GRHL2: variants seen among roughly 807,000 people sequenced by gnomAD.
GRHL2 encodes grainyhead like transcription factor 2, also known as grainyhead-like protein 2 homolog.
Under a neutral mutation model 83.8 loss-of-function variants are expected in GRHL2, and 21 were observed. That is an observed-to-expected ratio of 0.25 (90% CI 0.18 to 0.36). The LOEUF is 0.36. GRHL2 is among the 10% of genes least tolerant of loss of function. The pLI, the probability that GRHL2 is intolerant of heterozygous loss-of-function variation, is 1.00. For synonymous variants in GRHL2, 280 were observed against 278.9 expected, an observed-to-expected ratio of 1.00 and a Z score of -0.04; for missense variants, 623 against 781.8, an observed-to-expected ratio of 0.80 and a Z score of 2.42.
intron 12 of GRHL2, among the ~76,000 whole-genome samples, chr8:101,638,147 G>A (rs1231382354): frequency 6.6e-6 from 1 of 152,110 alleles, no homozygotes. Context: ...AAAATCTTTA[G>A]ATGTTTTTTC....
intron 1 of GRHL2, among the ~76,000 whole-genome samples, chr8:101,493,602 C>G (rs986194572): frequency 6.6e-6 from 1 of 152,136 alleles, no homozygotes; most frequent in Non-Finnish European, 1.5e-5. Flanking sequence ...CCCGCGCCCC[C>G]GACGGCGTCT....
In GRHL2 at chr8:101,573,815, C is replaced by G. The variant is rs1315339486; in HGVS notation, c.882C>G (p.Ser294Arg). ...GDNKCFRHPI[S>R]KVRSVVMVVF... ...ACAAATGCTTCCGACACCCCATCAGCAAAGTCAGGGTAGGGGCCACATTTC... is the reference window on the plus strand; with the variant it reads ...ACAAATGCTTCCGACACCCCATCAGGAAAGTCAGGGTAGGGGCCACATTTC... The change falls in exon 6 of 16, where the codon AGC becomes AGG. Residue 294 changes from serine (S) to arginine (R), a missense_variant. This residue lies in a region of GRHL2 where 96 missense variants were observed against 144.8 expected (regional missense o/e 0.66). Coordinates refer to ENST00000646743, the MANE Select transcript of GRHL2 (RefSeq NM_024915.4). 6.2e-7 allele frequency: 1 copy of G among 1,614,162 alleles called. No homozygotes were observed. Among genetic ancestry groups the G allele is most frequent in the South Asian group, 1.1e-5 (1 of 91,066 alleles).
At chr8:101,677,636 C>A in the GRHL2 span, among the ~76,000 whole-genome samples, 1 of 152,010 alleles carries the variant, frequency 6.6e-6, no homozygotes, top group Non-Finnish European at 1.5e-5. Context: ...CCCCACTACC[C>A]CTGCATTTTG....
intron 1 of GRHL2, among the ~76,000 whole-genome samples, chr8:101,525,046 G>A (rs1016594018): frequency 6.6e-6 from 1 of 152,042 alleles, no homozygotes; most frequent in Non-Finnish European, 1.5e-5. Context: ...AGGTTCAAGC[G>A]ATTCTCCTGC....
At chr8:101,655,667 A>G (rs767701340) in intron 14 of GRHL2, among the ~76,000 whole-genome samples, 15 of 152,230 alleles carry the variant, frequency 9.9e-5, no homozygotes, top group Non-Finnish European at 1.8e-4. Context: ...TATCATTTGG[A>G]GAATATAGAC....
In GRHL2 at chr8:101,652,436, C is replaced by CTGGTGTGTG. The variant is rs1563627071; in HGVS notation, c.1698+2948_1698+2956dup. ...TGGTGTGTGTGTGTGGTGTGTGTGT[C>CTGGTGTGTG]TGGTGTGTGTGGTGTGTGTCTGGTG... On this transcript the variant is annotated intron_variant, in intron 14 of 15. Transcript: ENST00000646743. 4.3e-3 allele frequency among the ~76,000 whole-genome samples: 52 copies of CTGGTGTGTG among 12,082 alleles called. 2 individuals are homozygous for CTGGTGTGTG. Among genetic ancestry groups the CTGGTGTGTG allele is most frequent in the Middle Eastern group, 0.071 (1 of 14 alleles). 7.9% of individuals were successfully genotyped at this position (12,082 alleles called of 152,430 possible). A position where few individuals can be genotyped will look rare whatever the true frequency, so the allele number is the denominator to read the frequency against.
At chr8:101,537,498 A>T (rs911560582) in intron 1 of GRHL2, among the ~76,000 whole-genome samples, 3 of 152,242 alleles carry the variant, frequency 2.0e-5, no homozygotes, top group African/African-American at 7.2e-5. Flanking sequence ...AAAACAGTCC[A>T]TTGGACTTTG....
intron 1 of GRHL2, among the ~76,000 whole-genome samples, chr8:101,542,528 G>C (rs1479074828): frequency 2.0e-5 from 3 of 150,622 alleles, no homozygotes; most frequent in Admixed American, 2.0e-4. Context: ...ACTCCAGCCT[G>C]GACAACAAGA....
intron 1 of GRHL2, among the ~76,000 whole-genome samples, chr8:101,522,386 A>G (rs965361961): frequency 6.6e-6 from 1 of 152,230 alleles, no homozygotes; most frequent in Non-Finnish European, 1.5e-5. Context: ...AGGTGATCTA[A>G]AGTATATAGT....
At chr8:101,526,759 G>A (rs1314382701) in intron 1 of GRHL2, among the ~76,000 whole-genome samples, 1 of 152,084 alleles carries the variant, frequency 6.6e-6, no homozygotes, top group East Asian at 1.9e-4. Context: ...CTGCACGAGT[G>A]CTTTTCCTTG....
rs141608768 is a variant in GRHL2 at position 101,591,232 on chromosome 8, C to T, written c.1004-7825C>T. On this transcript the variant is annotated intron_variant, in intron 7 of 15. Transcript: ENST00000646743. ...AAATATAGCTTGCCAGAAACACAAA[C>T]ACAAAGCATTGCACTTTCACACATC... Among the ~76,000 whole-genome samples the T allele has an allele frequency of 3.9e-5, 6 of 152,312 alleles. No individual in the cohort carries two copies. In the East Asian group the frequency reaches 1.2e-3, roughly 29 times the overall value.
chr8:101,504,369 T>C (rs1365914906), intron 1 of GRHL2, among the ~76,000 whole-genome samples: 3 of 152,222 alleles, frequency 2.0e-5, no homozygotes, highest in Non-Finnish European at 2.9e-5. Context: ...TGTATAAGTT[T>C]CCAACATGTG....
intron 1 of GRHL2, among the ~76,000 whole-genome samples, chr8:101,505,999 AG>A (rs1810334030): frequency 6.6e-6 from 1 of 152,236 alleles, no homozygotes; most frequent in South Asian, 2.1e-4. Flanking sequence ...TAGAGCTTTC[AG>A]GGCTAACTAG....
Position 101,511,483 on chromosome 8 carries a change from G to A in GRHL2, c.20+18694G>A, listed in dbSNP as rs540286060. 2.8e-4 allele frequency among the ~76,000 whole-genome samples: 42 copies of A among 152,240 alleles called. 1 individual carries two copies. The South Asian group carries it at 5.2e-3, about 19-fold the overall frequency. On this transcript the variant is annotated intron_variant, in intron 1 of 15. Coordinates refer to ENST00000646743, the MANE Select transcript of GRHL2 (RefSeq NM_024915.4). ...ACGCCTCAGGCTCTCGAGTAGCTGGGACTACAGGCGTGTGCCACCACACCT... is the reference window on the plus strand; with the variant it reads ...ACGCCTCAGGCTCTCGAGTAGCTGGAACTACAGGCGTGTGCCACCACACCT...
chr8:101,534,268 G>C, intron 1 of GRHL2, among the ~76,000 whole-genome samples: 1 of 152,078 alleles, frequency 6.6e-6, no homozygotes, highest in East Asian at 1.9e-4. Flanking sequence ...TTGTCATCTG[G>C]GTTCATAATT....
downstream of GRHL2, among the ~76,000 whole-genome samples, chr8:101,671,713 A>T (rs925864280): frequency 6.6e-6 from 1 of 152,184 alleles, no homozygotes; most frequent in East Asian, 1.9e-4. Context: ...ACGCAGCTGG[A>T]GATCTGAGAA....
chr8:101,612,528 C>T (rs60838074), intron 8 of GRHL2, among the ~76,000 whole-genome samples: 2 of 70,384 alleles, frequency 2.8e-5, no homozygotes, highest in East Asian at 8.3e-4. Flanking sequence ...TAGATACATA[C>T]ATACATACAT....
the GRHL2 span, among the ~76,000 whole-genome samples, chr8:101,676,146 A>T: frequency 6.6e-6 from 1 of 151,756 alleles, no homozygotes; most frequent in South Asian, 2.1e-4. Context: ...GGACATAGGC[A>T]TGGGCAAGGA....
chr8:101,540,628 C>A (rs2130113351), intron 1 of GRHL2, among the ~76,000 whole-genome samples: 1 of 152,142 alleles, frequency 6.6e-6, no homozygotes, highest in African/African-American at 2.4e-5. Flanking sequence ...GTCTTTTTTT[C>A]TGACCTGACA....
Sources: gnomAD v4.1 joint callset for allele counts (sites outside exome capture counted in the v4.1 genomes callset) on GRCh38, gnomAD v4.1.1 for gene constraint, gnomAD v4.1.1 regional missense constraint, MANE v1.5 for transcripts, NCBI Gene and HGNC (gene_info 2026-07-23, HGNC 2026-07-21) for gene names.